Variants in ATG7 observed in about 807,000 individuals in gnomAD.
The protein encoded by ATG7 is autophagy related 7.
In ATG7, 70 loss-of-function variants were observed where a neutral mutation model predicts 82.4. That is an observed-to-expected ratio of 0.85 (90% CI 0.70 to 1.04). The LOEUF is 1.04. Among genes scored for constraint, ATG7 ranks in the 50% least tolerant of loss-of-function variants. The probability of loss-of-function intolerance (pLI) is 0.00; values close to 1 mark genes in which losing one functional copy is unlikely to be tolerated. For synonymous variants in ATG7, 287 were observed against 313.0 expected, an observed-to-expected ratio of 0.92 and a Z score of 0.88; for missense variants, 792 against 864.3, an observed-to-expected ratio of 0.92 and a Z score of 1.05.
At chr3:11,380,306 C>T (rs994067452) in intron 19 of ATG7, among the ~76,000 whole-genome samples, 1 of 152,126 alleles carries the variant, frequency 6.6e-6, no homozygotes, top group Non-Finnish European at 1.5e-5. Flanking sequence ...TTGCATCATG[C>T]TAATTTTGTC....
Position 11,554,950 on chromosome 3 carries a change from C to G in ATG7, c.*107C>G, listed in dbSNP as rs2072263769. 2 of 1,405,540 alleles carry G rather than the reference C, an allele frequency of 1.4e-6. No individual in the cohort carries two copies. Among genetic ancestry groups the G allele is most frequent in the Non-Finnish European group, 1.9e-6 (2 of 1,042,442 alleles). 87.1% of individuals were successfully genotyped at this position (1,405,540 alleles called of 1,614,324 possible). On this transcript the variant is annotated 3_prime_UTR_variant, in exon 21 of 21. Transcript: ENST00000693202. ...GGCCTGGTGATTCTGGGCCCCTCCT[C>G]CATACCCCGAGGTCTGGGATTCCCC...
intron 20 of ATG7, among the ~76,000 whole-genome samples, chr3:11,470,000 AAAAAAAAAAG>A (rs1367194186): frequency 2.7e-5 from 4 of 150,474 alleles, no homozygotes; most frequent in African/African-American, 4.9e-5. Context: ...AAAAAAAAAA[AAAAAAAAAAG>A]AGAGAGAGAG....
intron 6 of ATG7, among the ~76,000 whole-genome samples, chr3:11,307,833 G>T (rs1948002969): frequency 6.6e-6 from 1 of 152,196 alleles, no homozygotes; most frequent in Non-Finnish European, 1.5e-5. Flanking sequence ...GGGTGCAGTG[G>T]TCAGGTCCTG....
At chr3:11,504,074 A>G (rs2091539401) in intron 20 of ATG7, among the ~76,000 whole-genome samples, 1 of 152,216 alleles carries the variant, frequency 6.6e-6, no homozygotes, top group South Asian at 2.1e-4. Context: ...AACTGCCCAG[A>G]ACAGTAGATG....
chr3:11,391,646 G>A (rs1342802764), intron 19 of ATG7, among the ~76,000 whole-genome samples: 4 of 152,084 alleles, frequency 2.6e-5, no homozygotes, highest in East Asian at 3.9e-4. Flanking sequence ...TTTTTCTACC[G>A]CAGCTATAAA....
the ATG7 span, among the ~76,000 whole-genome samples, chr3:11,574,755 T>C: frequency 6.6e-6 from 1 of 151,520 alleles, no homozygotes; most frequent in Non-Finnish European, 1.5e-5. Flanking sequence ...ACCCCATGAA[T>C]ATGTACAATT....
intron 20 of ATG7, among the ~76,000 whole-genome samples, chr3:11,507,451 A>G (rs1464631440): frequency 1.3e-5 from 2 of 152,210 alleles, no homozygotes; most frequent in African/African-American, 4.8e-5. Context: ...TGTCAATTCT[A>G]AAGGCTATTT....
intron 20 of ATG7, among the ~76,000 whole-genome samples, chr3:11,470,279 A>G (rs891410849): frequency 2.0e-5 from 3 of 152,178 alleles, no homozygotes; most frequent in Non-Finnish European, 4.4e-5. Context: ...GAATGTCCTT[A>G]CACACCCTTA....
intron 20 of ATG7, among the ~76,000 whole-genome samples, chr3:11,477,480 T>C (rs1280890116): frequency 1.3e-5 from 2 of 152,236 alleles, no homozygotes; most frequent in Admixed American, 1.3e-4. Flanking sequence ...AGCACTTATT[T>C]CTTGATATAT....
chr3:11,306,072 C>T (rs1263396486), intron 5 of ATG7, among the ~76,000 whole-genome samples: 1 of 152,212 alleles, frequency 6.6e-6, no homozygotes, highest in African/African-American at 2.4e-5. Context: ...AATTCGTATT[C>T]AGAATCAACT....
intron 20 of ATG7, among the ~76,000 whole-genome samples, chr3:11,546,087 A>G (rs1422755633): frequency 0.011 from 3 of 276 alleles, no homozygotes; most frequent in Admixed American, 0.042. Context: ...GCAGTGAGTT[A>G]TAGATGGCAC....
At chr3:11,453,094 C>T (rs1402462950) in intron 20 of ATG7, among the ~76,000 whole-genome samples, 1 of 152,148 alleles carries the variant, frequency 6.6e-6, no homozygotes, top group Non-Finnish European at 1.5e-5. Flanking sequence ...TCCACCACGC[C>T]TTTAGAGAGG....
chr3:11,436,899 AGG>A (rs1286259641), intron 20 of ATG7, among the ~76,000 whole-genome samples: 2 of 152,334 alleles, frequency 1.3e-5, no homozygotes, highest in East Asian at 3.9e-4. Context: ...GGTTGTCAGC[AGG>A]TGGGGATGGG....
rs543251181 is a variant in ATG7 at position 11,479,465 on chromosome 3, C to T, written c.2079+52539C>T. Among the ~76,000 whole-genome samples the T allele has an allele frequency of 1.7e-4, 26 of 152,242 alleles. No homozygotes were observed. The South Asian group carries it at 2.3e-3, about 13-fold the overall frequency. Reference sequence around the variant, plus strand: ...TGGTGCCAGCACAAAATCCAAACATCGTAAAGTTACTTCCAAAGCCCAGAT... The same window carrying T: ...TGGTGCCAGCACAAAATCCAAACATTGTAAAGTTACTTCCAAAGCCCAGAT... On this transcript the variant is annotated intron_variant, in intron 20 of 20. Coordinates refer to ENST00000693202, the MANE Select transcript of ATG7 (RefSeq NM_001349232.2).
chr3:11,528,217 T>C (rs1026901929), intron 20 of ATG7, among the ~76,000 whole-genome samples: 2 of 152,222 alleles, frequency 1.3e-5, no homozygotes, highest in African/African-American at 4.8e-5. Context: ...CCTGCAACAA[T>C]ATTGACTTCA....
intron 20 of ATG7, among the ~76,000 whole-genome samples, chr3:11,509,336 A>G (rs2091922895): frequency 6.6e-6 from 1 of 151,954 alleles, no homozygotes; most frequent in African/African-American, 2.4e-5. Flanking sequence ...TCATGCATGC[A>G]CATTTGTCTA....
In ATG7 at chr3:11,357,050, C is replaced by G. The variant is rs756962171; in HGVS notation, c.1285-1368C>G. Among the ~76,000 whole-genome samples the G allele has an allele frequency of 3.6e-4, 55 of 152,250 alleles. 2 individuals are homozygous for G. The Middle Eastern group carries it at 0.024, about 66-fold the overall frequency. ...GAAGATAATAAAAAAAATCCACAATCTACAAATTTGATATTTCTTTGTAAA... is the reference window on the plus strand; with the variant it reads ...GAAGATAATAAAAAAAATCCACAATGTACAAATTTGATATTTCTTTGTAAA... On this transcript the variant is annotated intron_variant, in intron 14 of 20. Transcript: ENST00000693202.
intron 20 of ATG7, among the ~76,000 whole-genome samples, chr3:11,448,824 A>C (rs2152981352): frequency 6.6e-6 from 1 of 152,110 alleles, no homozygotes; most frequent in East Asian, 1.9e-4. Context: ...GGAGCCTCCT[A>C]GTGTTTTCTG....
chr3:11,507,515 G>A (rs917014444), intron 20 of ATG7, among the ~76,000 whole-genome samples: 1 of 152,120 alleles, frequency 6.6e-6, no homozygotes, highest in Non-Finnish European at 1.5e-5. Context: ...CAATCCATAA[G>A]TATAATGTGA....
Sources: gnomAD v4.1 joint callset for allele counts (sites outside exome capture counted in the v4.1 genomes callset) on GRCh38, gnomAD v4.1.1 for gene constraint, MANE v1.5 for transcripts, NCBI Gene and HGNC (gene_info 2026-07-23, HGNC 2026-07-21) for gene names.